Variants in ZFP64 observed in about 807,000 individuals in gnomAD.
The protein encoded by ZFP64 is zinc finger protein 64.
A neutral mutation model predicts 51.6 loss-of-function variants in ZFP64; 14 were observed. The ratio of observed to expected loss-of-function variants is 0.27; its 90% confidence interval spans 0.18 to 0.42. The LOEUF (loss-of-function observed/expected upper bound fraction) is 0.42, where lower values mean the gene tolerates loss of function less well. Among genes scored for constraint, ZFP64 ranks in the 10% least tolerant of loss-of-function variants. The pLI is 1.00. For missense variants in ZFP64, 754 were observed against 906.8 expected, an observed-to-expected ratio of 0.83 and a Z score of 2.16; for synonymous variants, 375 against 361.4, an observed-to-expected ratio of 1.04 and a Z score of -0.43.
chr20:52,091,361 A>T (rs2078924643), intron 7 of ZFP64, among the ~76,000 whole-genome samples: 1 of 152,162 alleles, frequency 6.6e-6, no homozygotes, highest in African/African-American at 2.4e-5. Context: ...AATATATTTA[A>T]GTTAAATTAA....
At chr20:52,107,689 G>A (rs547864774) in intron 5 of ZFP64, among the ~76,000 whole-genome samples, 2 of 152,254 alleles carry the variant, frequency 1.3e-5, no homozygotes, top group South Asian at 4.2e-4. Flanking sequence ...CCAAATTGCT[G>A]TCATTGTTTA....
chr20:52,095,174 G>A (rs1398236137), intron 7 of ZFP64, among the ~76,000 whole-genome samples: 1 of 152,226 alleles, frequency 6.6e-6, no homozygotes, highest in Non-Finnish European at 1.5e-5. Flanking sequence ...CTTGGTAACA[G>A]AACCTTCTTT....
At chr20:52,086,668 C>T (rs1054727449) in intron 8 of ZFP64, among the ~76,000 whole-genome samples, 15 of 151,986 alleles carry the variant, frequency 9.9e-5, no homozygotes, top group African/African-American at 3.1e-4. Flanking sequence ...TTAGTAGAGA[C>T]GGGGTTTCAC....
chr20:52,090,567 A>G (rs1432503265), intron 7 of ZFP64, among the ~76,000 whole-genome samples: 3 of 151,976 alleles, frequency 2.0e-5, no homozygotes, highest in Non-Finnish European at 4.4e-5. Flanking sequence ...TTGGGGGGCC[A>G]AGGTGGGCAG....
chr20:52,105,263 G>C, intron 5 of ZFP64: 1 of 1,315,860 alleles, frequency 7.6e-7, no homozygotes, highest in East Asian at 3.1e-5. Flanking sequence ...CTCCCCGCGC[G>C]TCCCTAGGAG....
intron 5 of ZFP64, among the ~76,000 whole-genome samples, chr20:52,154,286 G>A (rs950090920): frequency 2.6e-5 from 4 of 152,122 alleles, no homozygotes; most frequent in Admixed American, 6.5e-5. Flanking sequence ...GCATGGTCTC[G>A]CTTGATGCTG....
chr20:52,122,597 A>G (rs997169412), intron 5 of ZFP64, among the ~76,000 whole-genome samples: 9 of 152,136 alleles, frequency 5.9e-5, no homozygotes, highest in Admixed American at 3.3e-4. Flanking sequence ...TATATTAACA[A>G]CCTTCTGGAG....
intron 5 of ZFP64, among the ~76,000 whole-genome samples, chr20:52,159,681 C>A (rs1257317093): frequency 6.7e-6 from 1 of 148,450 alleles, no homozygotes. Flanking sequence ...CAAAACCCCA[C>A]CTCTACTAAA....
chr20:52,085,631 GGAA>G lies in ZFP64; in HGVS notation c.1229-368_1229-366del, dbSNP rs1206284624. On this transcript the variant is annotated intron_variant, in intron 8 of 8. Coordinates refer to the ZFP64 transcript ENST00000361387. This position sits in a 1 kb window ranked among gnomAD's most constrained non-coding sequence, Gnocchi z 4.3. ...AACTTGACATCCCAGAATTGAATGT[GGAA>G]GAAGAGGTGAGATTTAAATTACAAA... Among the ~76,000 whole-genome samples, 3 of 152,082 alleles carry G rather than the reference GGAA, an allele frequency of 2.0e-5. No homozygotes were observed. The highest frequency in any genetic ancestry group is 2.1e-4 in the South Asian group (1 of 4,824).
chr20:52,147,263 G>C (rs541955009), downstream of ZFP64, among the ~76,000 whole-genome samples: 4 of 151,982 alleles, frequency 2.6e-5, no homozygotes, highest in African/African-American at 9.7e-5. Context: ...GTGCAGTGGC[G>C]CAATTTTGGC....
intron 5 of ZFP64, among the ~76,000 whole-genome samples, chr20:52,106,454 G>A (rs1400826443): frequency 6.6e-6 from 1 of 152,198 alleles, no homozygotes; most frequent in African/African-American, 2.4e-5. Flanking sequence ...GGCGGGGCCT[G>A]AGAATCTGTA....
Position 52,151,614 on chromosome 20 carries a change from A to T in ZFP64, c.*532T>A. On this transcript the variant is annotated 3_prime_UTR_variant, in exon 6 of 6. Transcript: ENST00000216923. ...CCCTCATTGGAATCATCTTGGTAAC[A>T]TTTAAGATTCTACAACAGTTATAAT... 1 of 987,222 alleles carries T rather than the reference A, an allele frequency of 1.0e-6. No homozygotes were observed. 61.2% of individuals were successfully genotyped at this position (987,222 alleles called of 1,614,324 possible).
chr20:52,105,402 G>T, intron 5 of ZFP64: 1 of 1,227,984 alleles, frequency 8.1e-7, no homozygotes, highest in Non-Finnish European at 1.0e-6. Flanking sequence ...CGGCTGATTG[G>T]CCTGGAGCCA....
intron 7 of ZFP64, among the ~76,000 whole-genome samples, chr20:52,095,164 C>T (rs2122736887): frequency 6.6e-6 from 1 of 152,390 alleles, no homozygotes; most frequent in Non-Finnish European, 1.5e-5. Flanking sequence ...CCCCTCTCCT[C>T]TTGGTAACAG....
In ZFP64 at chr20:52,160,812, G is replaced by A. The variant is rs531747003; in HGVS notation, c.512-438C>T. The stretch of plus-strand genomic sequence containing the variant: ...GGGAAAGATTACACTTCTCAGCCTC[G>A]CCTGCAGCTAGCTGTGATCTGTGAC... On this transcript the variant is annotated intron_variant, in intron 4 of 5. Transcript: ENST00000216923. The surrounding 1 kb of genome is among the most constrained non-coding windows in gnomAD (Gnocchi z 4.2). Among the ~76,000 whole-genome samples, 2 of 152,226 alleles carry A rather than the reference G, an allele frequency of 1.3e-5. No homozygotes were observed. The highest frequency in any genetic ancestry group is 4.8e-5 in the African/African-American group (2 of 41,534).
intron 5 of ZFP64, among the ~76,000 whole-genome samples, chr20:52,100,550 A>G (rs1450291175): frequency 5.3e-5 from 8 of 152,158 alleles, no homozygotes; most frequent in African/African-American, 1.4e-4. Flanking sequence ...ACAGCCATCT[A>G]AAGTCTTAGA....
intron 5 of ZFP64, chr20:52,110,690 G>C: frequency 6.5e-7 from 1 of 1,547,674 alleles, no homozygotes; most frequent in South Asian, 1.2e-5. Context: ...TAGACCCCTT[G>C]CCCCTTCAGC....
intron 5 of ZFP64, among the ~76,000 whole-genome samples, chr20:52,145,366 C>T (rs1467434306): frequency 6.6e-6 from 1 of 152,134 alleles, no homozygotes; most frequent in Admixed American, 6.6e-5. Context: ...AGAAAAGGTA[C>T]TGTAGCCCAG....
In ZFP64 at chr20:52,085,096, A is replaced by G; in HGVS notation, c.1399T>C (p.Phe467Leu). ...TGGAAGGCACAGTGCAGACATTTGA[A>G]GGTGTGCTTGATGCGGATGTGCGAT... Residue 467 changes from phenylalanine to leucine, a missense_variant, in exon 9 of 9, where the codon TTC becomes CTC. By Grantham distance (22) the Phe-to-Leu change is conservative. Transcript: ENST00000361387. This position sits in a 1 kb window ranked among gnomAD's most constrained non-coding sequence, Gnocchi z 4.3. The G allele has an allele frequency of 1.2e-6, 2 of 1,614,208 alleles. No individual in the cohort carries two copies. Among genetic ancestry groups the G allele is most frequent in the Non-Finnish European group, 1.7e-6 (2 of 1,180,040 alleles).
Sources: allele counts gnomAD v4.1 joint callset (sites outside exome capture counted in the v4.1 genomes callset), GRCh38; gene constraint gnomAD v4.1.1; non-coding constraint Gnocchi (gnomAD v3.1); transcripts MANE v1.5; gene names NCBI Gene and HGNC (gene_info 2026-07-23, HGNC 2026-07-21).